MAX: variants seen among roughly 807,000 people sequenced by gnomAD.
The protein encoded by MAX is MYC associated transcriptional regulator X.
MAX carries 3 observed loss-of-function variants against 22.3 expected under a neutral mutation model. The ratio of observed to expected loss-of-function variants is 0.13; its 90% CI spans 0.06 to 0.35. MAX has a LOEUF of 0.35. MAX is among the 10% of genes least tolerant of loss of function. MAX has a pLI of 1.00. For missense variants in MAX, 119 were observed against 209.4 expected (o/e 0.57, Z 2.66); for synonymous variants, 72 against 77.7 (o/e 0.93, Z 0.39).
At position 65,076,306 on chromosome 14, in the gene MAX, G is replaced by A. The variant is rs762709691; in HGVS notation, c.*170C>T. 48 of 1,474,196 alleles carry A rather than the reference G, an allele frequency of 3.3e-5. No individual in the cohort carries two copies. Among genetic ancestry groups the A allele is most frequent in the Non-Finnish European group, 4.1e-5 (46 of 1,118,290 alleles). The allele number at this position is 1,474,196 out of a possible 1,614,324, so 91.3% of individuals were successfully genotyped here. On this transcript the variant is annotated 3_prime_UTR_variant, in exon 5 of 5. Coordinates refer to ENST00000358664, the MANE Select transcript of MAX (RefSeq NM_002382.5). The surrounding 1 kb of genome is among the most constrained non-coding windows in gnomAD (Gnocchi z 6.6). ...TACAGTGGAAATGGGGAAGGAGAAC[G>A]AGAGCTGTTGTCCAAGAGCTTCTAC...
intron 3 of MAX, among the ~76,000 whole-genome samples, chr14:65,037,255 G>A (rs2062213340): frequency 6.7e-6 from 1 of 149,144 alleles, no homozygotes; most frequent in Non-Finnish European, 1.5e-5. Context: ...AGAAGCCCAC[G>A]ACCACGCCCA....
intron 3 of MAX, among the ~76,000 whole-genome samples, chr14:65,043,788 G>T (rs1377309205): frequency 4.7e-5 from 6 of 128,948 alleles, no homozygotes; most frequent in African/African-American, 1.8e-4. Flanking sequence ...CGCCACTGCA[G>T]TCCGCAGTCC....
At chr14:65,102,226 G>A (rs2139974827) in intron 1 of MAX, 78 bp downstream of exon 1, 1 of 1,593,784 alleles carries the variant, frequency 6.3e-7, no homozygotes, top group South Asian at 1.1e-5. Context: ...GCCCCCTCCC[G>A]CCGTCGCCCC....
In MAX at chr14:65,029,875, C is replaced by T. The variant is rs907605150; in HGVS notation, c.172-23591G>A. Among the ~76,000 whole-genome samples the T allele has an allele frequency of 6.6e-6, 1 of 152,216 alleles. No homozygotes were observed. The highest frequency in any genetic ancestry group is 2.1e-4 in the South Asian group (1 of 4,822). ...TGGACTGTAGTGTTCCAATAAAAGC[C>T]CTCTGGTTTCAGGGCTGGAGGGAGA... On this transcript the variant is annotated intron_variant, in intron 3 of 3. Coordinates refer to the MAX transcript ENST00000341653. This position sits in a 1 kb window ranked among gnomAD's most constrained non-coding sequence, Gnocchi z 4.7.
rs908762420 is a variant in MAX at position 65,079,391 on chromosome 14, C to T, written c.172-1355G>A. Among the ~76,000 whole-genome samples, 15 of 152,192 alleles carry T rather than the reference C, an allele frequency of 9.9e-5. No homozygotes were observed. Among genetic ancestry groups the T allele is most frequent in the African/African-American group, 2.4e-4 (10 of 41,444 alleles). On this transcript the variant is annotated intron_variant, in intron 3 of 4. Transcript: ENST00000358664. The surrounding 1 kb of genome is among the most constrained non-coding windows in gnomAD (Gnocchi z 4.5). ...GGGTACTGCCTTGCTAGAGTAAGTT[C>T]GTAAGTCAATAACATGGATGTCATG...
chr14:65,042,199 C>T (rs546059653), intron 3 of MAX, among the ~76,000 whole-genome samples: 16 of 151,222 alleles, frequency 1.1e-4, no homozygotes, highest in East Asian at 3.9e-4. Context: ...GGGGGTGGGA[C>T]GGGGGGTGAT....
chr14:65,075,458 C>G lies in MAX; in HGVS notation c.*1018G>C. 2.8e-6 allele frequency: 3 copies of G among 1,063,556 alleles called. No homozygotes were observed. Among genetic ancestry groups the G allele is most frequent in the Non-Finnish European group, 3.4e-6 (3 of 877,950 alleles). 65.9% of individuals were successfully genotyped at this position (1,063,556 alleles called of 1,614,324 possible). ...GCTGGGAAGGGTCCGCACTGGGGTGCGGGTTTAGTACCAGGTAAATTGCTC... is the reference window on the plus strand; with the variant it reads ...GCTGGGAAGGGTCCGCACTGGGGTGGGGGTTTAGTACCAGGTAAATTGCTC... On this transcript the variant is annotated 3_prime_UTR_variant, in exon 5 of 5. Transcript: ENST00000358664. The surrounding 1 kb of genome is among the most constrained non-coding windows in gnomAD (Gnocchi z 4.1).
intron 3 of MAX, among the ~76,000 whole-genome samples, chr14:65,046,143 A>G (rs1408499210): frequency 2.0e-5 from 3 of 151,602 alleles, no homozygotes; most frequent in East Asian, 1.9e-4. Context: ...CGCCCAGCCA[A>G]TTTTGTATTT....
At chr14:65,058,086 T>G (rs1444818713) in intron 3 of MAX, among the ~76,000 whole-genome samples, 1 of 151,502 alleles carries the variant, frequency 6.6e-6, no homozygotes, top group Non-Finnish European at 1.5e-5. Context: ...TGCACTACAT[T>G]TTAGATTAAT....
rs1174195745 is a variant in MAX, at chr14:65,056,940, CAT to C, written c.171+36766_171+36767del. ...TGGCAAGGGTTGTGCTGCATTATAACATGTGGAAATCAAAGGGGAAGCCAACC... is the reference window on the plus strand; with the variant it reads ...TGGCAAGGGTTGTGCTGCATTATAACGTGGAAATCAAAGGGGAAGCCAACC... On this transcript the variant is annotated intron_variant, in intron 3 of 3. Transcript: ENST00000341653. Among the ~76,000 whole-genome samples the C allele has an allele frequency of 5.3e-5, 8 of 152,296 alleles. No homozygotes were observed. The East Asian group carries it at 9.7e-4, about 18-fold the overall frequency.
chr14:65,098,326 A>AC (rs1457300358), intron 2 of MAX, among the ~76,000 whole-genome samples: 1 of 152,228 alleles, frequency 6.6e-6, no homozygotes, highest in Non-Finnish European at 1.5e-5. Flanking sequence ...CTCGGAGGCT[A>AC]CCAAGCTCGT....
chr14:65,012,637 T>G lies in MAX; in HGVS notation c.172-6353A>C, dbSNP rs1469805902. ...GGGGCTTTCTTCTGTTACTAGATGA[T>G]GACTAAGGGGTTCACGTGCTTTATC... On this transcript the variant is annotated intron_variant, in intron 3 of 3. Coordinates refer to the MAX transcript ENST00000341653. The surrounding 1 kb of genome is among the most constrained non-coding windows in gnomAD (Gnocchi z 5.0). Among the ~76,000 whole-genome samples, 1 of 152,200 alleles carries G rather than the reference T, an allele frequency of 6.6e-6. No homozygotes were observed. Among genetic ancestry groups the G allele is most frequent in the Non-Finnish European group, 1.5e-5 (1 of 68,032 alleles).
At chr14:65,055,194 A>C (rs1566579312) in intron 3 of MAX, among the ~76,000 whole-genome samples, 1 of 152,000 alleles carries the variant, frequency 6.6e-6, no homozygotes, top group Non-Finnish European at 1.5e-5. Flanking sequence ...GTGTTGTTTA[A>C]TGTGTGTTTG....
chr14:65,094,038 G>C (rs1595167571), intron 2 of MAX: 3 of 583,424 alleles, frequency 5.1e-6, no homozygotes, highest in South Asian at 3.8e-5. Context: ...AAAGTAGCTC[G>C]ATGCATCCAG....
In MAX at chr14:65,054,708, T is replaced by C. The variant is rs371634533; in HGVS notation, c.171+39000A>G. The C allele has an allele frequency of 6.9e-6, 11 of 1,589,360 alleles. No homozygotes were observed. In the African/African-American group the frequency reaches 9.4e-5, roughly 14 times the overall value. On this transcript the variant is annotated intron_variant, in intron 3 of 3. Coordinates refer to the MAX transcript ENST00000341653. The surrounding 1 kb of genome is among the most constrained non-coding windows in gnomAD (Gnocchi z 4.4). Reference sequence around the variant, plus strand: ...CGCTCTGGTAAGACGGGTGCAGGGCTTCACACCCCTTCTCCACAGGGACCT... The same window carrying C: ...CGCTCTGGTAAGACGGGTGCAGGGCCTCACACCCCTTCTCCACAGGGACCT...
chr14:65,101,023 TA>T (rs1363286556), intron 2 of MAX, among the ~76,000 whole-genome samples: 2 of 152,362 alleles, frequency 1.3e-5, no homozygotes, highest in Non-Finnish European at 1.5e-5. Flanking sequence ...TTTGATGATG[TA>T]ACGTTTGGCT....
intron 3 of MAX, chr14:65,090,324 C>A (rs1307840254): frequency 6.6e-6 from 1 of 152,148 alleles, no homozygotes; most frequent in Non-Finnish European, 1.5e-5. Flanking sequence ...TGAGTTCTAG[C>A]CCCTGTCCTG....
chr14:65,070,662 A>G (rs988905492), downstream of MAX, among the ~76,000 whole-genome samples: 1 of 152,224 alleles, frequency 6.6e-6, no homozygotes, highest in African/African-American at 2.4e-5. The surrounding 1 kb of genome is among the most constrained non-coding windows in gnomAD (Gnocchi z 4.4). Flanking sequence ...AGTGAGCTAG[A>G]GCATGCGGGC....
chr14:65,031,162 C>T lies in MAX; in HGVS notation c.172-24878G>A, dbSNP rs893430084. Among the ~76,000 whole-genome samples the T allele has an allele frequency of 4.6e-5, 7 of 151,772 alleles. No homozygotes were observed. The highest frequency in any genetic ancestry group is 2.1e-4 in the South Asian group (1 of 4,800). On this transcript the variant is annotated intron_variant, in intron 3 of 3. Transcript: ENST00000341653. This position sits in a 1 kb window ranked among gnomAD's most constrained non-coding sequence, Gnocchi z 4.6. ...CCAATGATTTTTGTCTTCCCTGTGC[C>T]GGGTATTTGAAAAAACCATAGAGGG... is the stretch of plus-strand genomic sequence containing the variant.
Sources: gnomAD v4.1 joint callset for allele counts (sites outside exome capture counted in the v4.1 genomes callset) on GRCh38, gnomAD v4.1.1 for gene constraint, Gnocchi (gnomAD v3.1) non-coding constraint, MANE v1.5 for transcripts, NCBI Gene and HGNC (gene_info 2026-07-23, HGNC 2026-07-21) for gene names.